Variants in ADAMTS20 observed in about 807,000 individuals in gnomAD.
ADAMTS20 encodes ADAM metallopeptidase with thrombospondin type 1 motif 20, also known as A disintegrin and metalloproteinase with thrombospondin motifs 20.
In ADAMTS20, 225 loss-of-function variants were observed where a neutral mutation model predicts 260.1. The ratio of observed to expected loss-of-function variants is 0.87; its 90% CI spans 0.78 to 0.97. The LOEUF is 0.97. Among genes scored for constraint, ADAMTS20 ranks in the 50% least tolerant of loss-of-function variants. The pLI, the probability that ADAMTS20 is intolerant of heterozygous loss-of-function variation, is 0.00. For synonymous variants in ADAMTS20, 802 were observed against 769.5 expected (o/e 1.04, Z -0.70); for missense variants, 2,400 against 2,337.7 (o/e 1.03, Z -0.55).
chr12:43,480,686 C>G (rs959994438), intron 7 of ADAMTS20, among the ~76,000 whole-genome samples: 1 of 152,090 alleles, frequency 6.6e-6, no homozygotes, highest in African/African-American at 2.4e-5. Context: ...ACATTACGCT[C>G]AGTGAAATAA....
chr12:43,404,307 C>T (rs928908382), intron 28 of ADAMTS20, among the ~76,000 whole-genome samples: 14 of 151,856 alleles, frequency 9.2e-5, no homozygotes, highest in Non-Finnish European at 1.6e-4. Context: ...ATAATACCAA[C>T]GCACCATGAA....
chr12:43,504,404 CA>C (rs1030392925), intron 3 of ADAMTS20, among the ~76,000 whole-genome samples: 1 of 152,122 alleles, frequency 6.6e-6, no homozygotes, highest in Non-Finnish European at 1.5e-5. Flanking sequence ...TTCCTAAAAA[CA>C]TCTAGCTTTT....
chr12:43,449,540 C>T (rs1214069514), intron 14 of ADAMTS20, among the ~76,000 whole-genome samples: 1 of 151,914 alleles, frequency 6.6e-6, no homozygotes, highest in African/African-American at 2.4e-5. Flanking sequence ...GGATACTAGG[C>T]TTAGTATCTG....
At chr12:43,454,825 G>A (rs1941935438) in intron 11 of ADAMTS20, among the ~76,000 whole-genome samples, 1 of 152,110 alleles carries the variant, frequency 6.6e-6, no homozygotes, top group South Asian at 2.1e-4. Context: ...AGAAATTTTT[G>A]TAAGATTTTT....
At chr12:43,371,432 T>C (rs1021236718) in intron 36 of ADAMTS20, among the ~76,000 whole-genome samples, 6 of 152,204 alleles carry the variant, frequency 3.9e-5, no homozygotes, top group Non-Finnish European at 8.8e-5. Flanking sequence ...ACCTGAGTCT[T>C]ACCAGGAAGA....
intron 19 of ADAMTS20, 31 bp from the exon 20 acceptor site, chr12:43,432,842 G>T: frequency 4.6e-6 from 7 of 1,530,482 alleles, no homozygotes; most frequent in Non-Finnish European, 6.3e-6. Flanking sequence ...TACTTAGGAG[G>T]TATATTACAT....
In ADAMTS20 at chr12:43,369,315, C is replaced by T; in HGVS notation, c.5513G>A (p.Cys1838Tyr). The T allele has an allele frequency of 6.4e-7, 1 of 1,553,018 alleles. No homozygotes were observed. Among genetic ancestry groups the T allele is most frequent in the Non-Finnish European group, 8.7e-7 (1 of 1,150,864 alleles). Residue 1838 changes from cysteine to tyrosine, a missense_variant, in exon 37 of 39, where the codon TGC (cysteine) becomes TAC (tyrosine). Coordinates refer to ENST00000389420, the MANE Select transcript of ADAMTS20 (RefSeq NM_025003.5). ...NAVPFATAGD[C>Y]YSAFRCPQGQ... ...CTGTGGGCATCTGAAAGCACTGTAG[C>T]AATCTCCAGCTGTGGCAAATGGAAC... is the stretch of plus-strand genomic sequence containing the variant.
chr12:43,352,875 G>C (rs904332491), downstream of ADAMTS20, among the ~76,000 whole-genome samples: 3 of 152,080 alleles, frequency 2.0e-5, no homozygotes, highest in South Asian at 2.1e-4. Context: ...TTTGTAACTG[G>C]CTTAAGGCAC....
At chr12:43,515,083 T>C (rs1033897353) in intron 3 of ADAMTS20, among the ~76,000 whole-genome samples, 1 of 152,212 alleles carries the variant, frequency 6.6e-6, no homozygotes, top group Non-Finnish European at 1.5e-5. Flanking sequence ...CTTTTGTTTT[T>C]CAAACTTTTA....
At chr12:43,409,444 T>C (rs1196823701) in intron 28 of ADAMTS20, among the ~76,000 whole-genome samples, 2 of 149,570 alleles carry the variant, frequency 1.3e-5, no homozygotes, top group Admixed American at 1.3e-4. Flanking sequence ...CTACTAAAAA[T>C]ACAAAAAATT....
intron 29 of ADAMTS20, among the ~76,000 whole-genome samples, chr12:43,394,372 T>C (rs1422851402): frequency 6.6e-6 from 1 of 152,110 alleles, no homozygotes; most frequent in Non-Finnish European, 1.5e-5. Context: ...AGGCACCACT[T>C]CAAATATCTG....
rs186470243 is a variant in ADAMTS20, at chr12:43,455,368, C to A, written c.1615-1316G>T. Among the ~76,000 whole-genome samples, 3 of 152,070 alleles carry A rather than the reference C, an allele frequency of 2.0e-5. No individual in the cohort carries two copies. The South Asian group carries it at 6.2e-4, about 32-fold the overall frequency. On this transcript the variant is annotated intron_variant, in intron 11 of 38. Transcript: ENST00000389420. ...TCTGGGAAATCTAAGGTCAAGGTAC[C>A]GGCAGGTTTGGTGTCTGATGAGGCC... is the stretch of plus-strand genomic sequence containing the variant.
At chr12:43,535,871 A>G (rs1436909847) in intron 2 of ADAMTS20, among the ~76,000 whole-genome samples, 1 of 152,144 alleles carries the variant, frequency 6.6e-6, no homozygotes, top group Non-Finnish European at 1.5e-5. Flanking sequence ...CAATTGTACA[A>G]CTAAAGAAAG....
intron 2 of ADAMTS20, among the ~76,000 whole-genome samples, chr12:43,544,657 G>C (rs965437122): frequency 6.6e-6 from 1 of 152,196 alleles, no homozygotes; most frequent in Admixed American, 6.5e-5. Flanking sequence ...TCTATACAGA[G>C]AGAAGAGCAA....
intron 18 of ADAMTS20, among the ~76,000 whole-genome samples, chr12:43,435,589 C>T (rs574386705): frequency 4.9e-4 from 71 of 143,542 alleles, no homozygotes; most frequent in African/African-American, 1.6e-3. Context: ...TGCAGTGAGC[C>T]GAGATCGCAC....
chr12:43,425,497 C>A lies in ADAMTS20; in HGVS notation c.4284+17G>T. 1 of 1,448,430 alleles carries A rather than the reference C, an allele frequency of 6.9e-7. No homozygotes were observed. Among genetic ancestry groups the A allele is most frequent in the Non-Finnish European group, 9.2e-7 (1 of 1,087,220 alleles). The allele number at this position is 1,448,430 out of a possible 1,614,324, so 89.7% of individuals were successfully genotyped here. ...CTTTAAAGTATGACATGTTAACAGA[C>A]AAGAGTGCTATCATACCGATGTCCA... On this transcript the variant is annotated intron_variant, in intron 28 of 38. Coordinates refer to ENST00000389420, the MANE Select transcript of ADAMTS20 (RefSeq NM_025003.5).
At chr12:43,369,430 CGTT>C (rs748079286) in intron 36 of ADAMTS20, 49 bp from the exon 37 acceptor site, 4 of 1,120,224 alleles carry the variant, frequency 3.6e-6, no homozygotes, top group African/African-American at 1.6e-5. Flanking sequence ...ATAATGCAAT[CGTT>C]GTTGTCAAAC....
At chr12:43,535,704 C>A (rs960452128) in intron 2 of ADAMTS20, among the ~76,000 whole-genome samples, 1 of 151,866 alleles carries the variant, frequency 6.6e-6, no homozygotes, top group Admixed American at 6.6e-5. Context: ...TTTTTAATAT[C>A]TTGATAACTA....
rs1449780821 is a variant in ADAMTS20, at chr12:43,439,944, C to T, written c.2416G>A (p.Glu806Lys). Residue 806 changes from glutamate (E) to lysine (K), a missense_variant, in exon 17 of 39, where the codon GAA becomes AAA. Coordinates refer to ENST00000389420, the MANE Select transcript of ADAMTS20 (RefSeq NM_025003.5). ...TGTCGATTAGTACTATTAATTCTTT[C>T]AACTGCGTTATTTGATCCACTGTAT... ...IEYSGSNNAV[E>K]RINSTNRQEK... 6.2e-7 allele frequency: 1 copy of T among 1,605,050 alleles called. No individual in the cohort carries two copies. Among genetic ancestry groups the T allele is most frequent in the East Asian group, 2.2e-5 (1 of 44,704 alleles).
Sources: gnomAD v4.1 joint callset for allele counts (sites outside exome capture counted in the v4.1 genomes callset) on GRCh38, gnomAD v4.1.1 for gene constraint, MANE v1.5 for transcripts, NCBI Gene and HGNC (gene_info 2026-07-23, HGNC 2026-07-21) for gene names.